The following MICAL3 variants were observed in gnomAD, a reference collection of about 807,000 sequenced individuals.
MICAL3 encodes the protein microtubule associated monooxygenase, calponin and LIM domain containing 3.
A neutral mutation model predicts 207.4 loss-of-function variants in MICAL3; 62 were observed. That is an observed-to-expected ratio of 0.30 (90% CI 0.24 to 0.37). The LOEUF (loss-of-function observed/expected upper bound fraction) is 0.37, where lower values mean the gene tolerates loss of function less well. Ranked by LOEUF, MICAL3 falls within the 10% of genes least tolerant of loss-of-function variation. The probability of loss-of-function intolerance (pLI) is 1.00; values close to 1 mark genes in which losing one functional copy is unlikely to be tolerated. For synonymous variants in MICAL3, 1,077 were observed against 1,069.3 expected (o/e 1.01, Z -0.14); for missense variants, 2,368 against 2,635.6 (o/e 0.90, Z 2.22).
chr22:17,981,064 C>G (rs1162139224), intron 1 of MICAL3: 1 of 334,034 alleles, frequency 3.0e-6, no homozygotes, highest in Non-Finnish European at 6.6e-6. Context: ...AGACTGGTCT[C>G]CAAAAACATG....
intron 1 of MICAL3, among the ~76,000 whole-genome samples, chr22:17,921,218 C>A (rs1263929257): frequency 6.6e-6 from 1 of 152,186 alleles, no homozygotes; most frequent in Non-Finnish European, 1.5e-5. Flanking sequence ...TCTATGTTAT[C>A]TCATGTAAAA....
At chr22:17,997,870 C>T (rs1922470873) in intron 1 of MICAL3, among the ~76,000 whole-genome samples, 1 of 152,006 alleles carries the variant, frequency 6.6e-6, no homozygotes, top group Non-Finnish European at 1.5e-5. Context: ...TAACTATCAT[C>T]CACTACCTAG....
In MICAL3 at chr22:17,820,317, A is replaced by G. The variant is rs112201503; in HGVS notation, c.3531+1110T>C. Among the ~76,000 whole-genome samples the G allele has an allele frequency of 5.7e-3, 860 of 152,192 alleles. 3 individuals carry two copies. The highest frequency in any genetic ancestry group is 0.02 in the African/African-American group (824 of 41,514). Reference sequence around the variant, plus strand: ...CACAGTTGGCTTTGCAGCATTCTCCATGTGGTTCACACACCACAGGCTGTC... The same window carrying G: ...CACAGTTGGCTTTGCAGCATTCTCCGTGTGGTTCACACACCACAGGCTGTC... On this transcript the variant is annotated intron_variant, in intron 25 of 31. Transcript: ENST00000441493.
At chr22:17,925,285 C>T (rs545984676) in intron 1 of MICAL3, among the ~76,000 whole-genome samples, 3 of 152,278 alleles carry the variant, frequency 2.0e-5, no homozygotes, top group South Asian at 4.1e-4. Flanking sequence ...CCCCAAAAAC[C>T]ACCACCAGGC....
intron 1 of MICAL3, among the ~76,000 whole-genome samples, chr22:17,982,409 G>C (rs1193592549): frequency 2.0e-5 from 3 of 152,236 alleles, no homozygotes; most frequent in Non-Finnish European, 2.9e-5. Flanking sequence ...AGGCACGGTG[G>C]CTCATGCCTG....
Position 17,818,027 on chromosome 22 carries a change from G to A in MICAL3, c.4634C>T (p.Thr1545Met), listed in dbSNP as rs183882165. 21 of 1,612,560 alleles carry A rather than the reference G, an allele frequency of 1.3e-5. No individual in the cohort carries two copies. The highest frequency in any genetic ancestry group is 9.9e-5 in the South Asian group (9 of 91,066). Residue 1545 changes from threonine (T) to methionine (M), a missense_variant, in exon 26 of 32, where the codon ACG (threonine) becomes ATG (methionine). Coordinates refer to ENST00000441493, the MANE Select transcript of MICAL3 (RefSeq NM_015241.3). ...GGGGCGCGGCCAGCAGGACGGGGGCGTGAAGAATTTCTCCTGCAGGCTTGA... is the reference window on the plus strand; with the variant it reads ...GGGGCGCGGCCAGCAGGACGGGGGCATGAAGAATTTCTCCTGCAGGCTTGA... Reference protein sequence around the residue: ...EDSSLQEKFFTPPSCWPRPEK... With the variant: ...EDSSLQEKFFMPPSCWPRPEK...
rs35096617 is a variant in MICAL3, at chr22:17,919,076, G to GTTTTTTTTTTT, written c.-74-12201_-74-12191dup. On this transcript the variant is annotated intron_variant, in intron 1 of 31. Coordinates refer to ENST00000441493, the MANE Select transcript of MICAL3 (RefSeq NM_015241.3). ...CTCCAAATGTTTTTGGTTTTTGTGG[G>GTTTTTTTTTTT]TTTTTTTTTTTTTTGAGACAGGCTC... is the stretch of plus-strand genomic sequence containing the variant. 1.9e-3 allele frequency among the ~76,000 whole-genome samples: 255 copies of GTTTTTTTTTTT among 136,496 alleles called. 11 individuals are homozygous for GTTTTTTTTTTT. Among genetic ancestry groups the GTTTTTTTTTTT allele is most frequent in the African/African-American group, 7.2e-3 (242 of 33,830 alleles). 89.5% of individuals were successfully genotyped at this position (136,496 alleles called of 152,430 possible).
chr22:17,914,565 T>C (rs1288299576), intron 1 of MICAL3, among the ~76,000 whole-genome samples: 1 of 152,184 alleles, frequency 6.6e-6, no homozygotes, highest in East Asian at 1.9e-4. Context: ...CTCCAGTCCC[T>C]AACCACCCGA....
chr22:17,986,260 C>T (rs114159949), intron 1 of MICAL3, among the ~76,000 whole-genome samples: 6,716 of 152,222 alleles, frequency 0.044, 279 homozygotes, highest in African/African-American at 0.11. Flanking sequence ...GTGGCTTATG[C>T]GTGTAATCCC....
At chr22:17,899,822 CAAA>C (rs563096421) in intron 6 of MICAL3, among the ~76,000 whole-genome samples, 1 of 145,010 alleles carries the variant, frequency 6.9e-6, no homozygotes, top group African/African-American at 2.5e-5. Flanking sequence ...ACGAAACAAG[CAAA>C]AAAAAAAGAG....
chr22:17,827,004 C>T (rs539336514), intron 22 of MICAL3, among the ~76,000 whole-genome samples: 2 of 152,274 alleles, frequency 1.3e-5, no homozygotes, highest in South Asian at 2.1e-4. Context: ...GAGGTGACTC[C>T]GAGGGTGGGT....
intron 17 of MICAL3, among the ~76,000 whole-genome samples, chr22:17,871,271 C>T (rs1927698652): frequency 1.3e-5 from 2 of 152,312 alleles, no homozygotes; most frequent in East Asian, 1.9e-4. Flanking sequence ...GCACATGTTG[C>T]CAAAGACCAG....
intron 1 of MICAL3, among the ~76,000 whole-genome samples, chr22:17,919,390 C>T (rs1157819439): frequency 6.6e-6 from 1 of 152,186 alleles, no homozygotes; most frequent in Non-Finnish European, 1.5e-5. Context: ...CATCTTTCTG[C>T]TACAATGTAA....
chr22:17,872,565 C>T (rs1209634046), intron 16 of MICAL3, among the ~76,000 whole-genome samples: 2 of 152,148 alleles, frequency 1.3e-5, no homozygotes. Flanking sequence ...ATATGTGGGT[C>T]CCTGGACTCA....
chr22:17,996,808 T>A (rs1922335820), intron 1 of MICAL3, among the ~76,000 whole-genome samples: 1 of 152,032 alleles, frequency 6.6e-6, no homozygotes, highest in African/African-American at 2.4e-5. Flanking sequence ...CACCGGAAGC[T>A]AAAGACCAAA....
chr22:17,995,636 G>C (rs967007115), intron 1 of MICAL3, among the ~76,000 whole-genome samples: 9 of 151,114 alleles, frequency 6.0e-5, no homozygotes, highest in Admixed American at 5.3e-4. Flanking sequence ...CTCCTGAGTA[G>C]CTGGGAATAC....
At chr22:17,860,713 G>T in intron 19 of MICAL3, 17 of 985,442 alleles carry the variant, frequency 1.7e-5, no homozygotes, top group Non-Finnish European at 2.0e-5. Flanking sequence ...GCAGCCCCCT[G>T]CGTTCCTAGT....
intron 1 of MICAL3, among the ~76,000 whole-genome samples, chr22:17,949,028 G>A (rs1015498343): frequency 6.6e-6 from 1 of 151,328 alleles, no homozygotes; most frequent in Non-Finnish European, 1.5e-5. Context: ...TGCCCAACAT[G>A]GTGAAACCCC....
intron 29 of MICAL3, among the ~76,000 whole-genome samples, chr22:17,795,806 TCAATA>T (rs2061870169): frequency 7.1e-6 from 1 of 140,426 alleles, no homozygotes; most frequent in Admixed American, 8.0e-5. Context: ...AAATGCCCAA[TCAATA>T]CAATTTTCAA....
Sources: gnomAD v4.1 joint callset for allele counts (sites outside exome capture counted in the v4.1 genomes callset) on GRCh38, gnomAD v4.1.1 for gene constraint, MANE v1.5 for transcripts, NCBI Gene and HGNC (gene_info 2026-07-23, HGNC 2026-07-21) for gene names.